The following DNAJC12 variants were observed in gnomAD, a reference collection of about 807,000 sequenced individuals.
The protein encoded by DNAJC12 is dnaJ homolog subfamily C member 12.
In DNAJC12, 25 loss-of-function variants were observed where a neutral mutation model predicts 28.5. The ratio of observed to expected loss-of-function variants is 0.88; its 90% confidence interval spans 0.64 to 1.22. The LOEUF is 1.22. Ranked by LOEUF, DNAJC12 falls within the 50% of genes most tolerant of loss-of-function variation. The pLI is 0.00. For missense variants in DNAJC12, 222 were observed against 231.7 expected, an observed-to-expected ratio of 0.96 and a Z score of 0.27; for synonymous variants, 77 against 80.6, an observed-to-expected ratio of 0.95 and a Z score of 0.24.
At chr10:67,802,078 G>T (rs1841752816) in intron 4 of DNAJC12, among the ~76,000 whole-genome samples, 1 of 151,626 alleles carries the variant, frequency 6.6e-6, no homozygotes, top group Non-Finnish European at 1.5e-5. Flanking sequence ...TGCTCAAGCT[G>T]GTCTCGAACT....
intron 2 of DNAJC12, among the ~76,000 whole-genome samples, chr10:67,819,211 T>C (rs1841946313): frequency 6.6e-6 from 1 of 151,988 alleles, no homozygotes. Context: ...CAGGCGCCTG[T>C]AGTCCCAGCT....
rs1322579305 is a variant in DNAJC12 at position 67,796,955 on chromosome 10, A to C, written c.*161T>G. 2.0e-6 allele frequency: 1 copy of C among 504,588 alleles called. No individual in the cohort carries two copies. The highest frequency in any genetic ancestry group is 2.0e-5 in the African/African-American group (1 of 51,156). 31.3% of individuals were successfully genotyped at this position (504,588 alleles called of 1,614,324 possible). ...CATCTTCTGAATTTTTCTTATTTAA[A>C]AAGCATTATGAGAACTGATTCAAGG... On this transcript the variant is annotated 3_prime_UTR_variant, in exon 5 of 5. Transcript: ENST00000225171.
intron 3 of DNAJC12, among the ~76,000 whole-genome samples, chr10:67,807,120 G>T (rs1020788247): frequency 6.6e-6 from 1 of 151,320 alleles, no homozygotes; most frequent in Admixed American, 6.6e-5. Flanking sequence ...AATTAGTTGG[G>T]CAAGGTAGTG....
chr10:67,837,964 G>A lies in DNAJC12; in HGVS notation c.48C>T (p.Tyr16=), dbSNP rs987509309. Residue 16 remains tyrosine, a synonymous_variant, in exon 1 of 5, where the codon TAC becomes TAT. Transcript: ENST00000225171. ...ATAGTTCATCACATCCCAGTAATGT[G>A]TAGTAATCTTCAGTATCTTCTGACC... The part of the protein sequence containing the change: ...NYRSEDTEDY[Y]TLLGCDELSS... 1.2e-6 allele frequency: 2 copies of A among 1,609,072 alleles called. No individual in the cohort carries two copies. Among genetic ancestry groups the A allele is most frequent in the African/African-American group, 1.3e-5 (1 of 74,646 alleles).
At position 67,811,458 on chromosome 10, in the gene DNAJC12, A is replaced by G. The variant is rs765043759; in HGVS notation, c.297+66T>C. On this transcript the variant is annotated intron_variant, in intron 3 of 4. Coordinates refer to ENST00000225171, the MANE Select transcript of DNAJC12 (RefSeq NM_021800.3). Reference sequence around the variant, plus strand: ...TCGCCTAATGACTCTTTAAGCTACTACATGAGTCTAATCCATGGGCATCCT... The same window carrying G: ...TCGCCTAATGACTCTTTAAGCTACTGCATGAGTCTAATCCATGGGCATCCT... 23 of 1,604,374 alleles carry G rather than the reference A, an allele frequency of 1.4e-5. No individual in the cohort carries two copies. In the South Asian group the frequency reaches 2.3e-4, roughly 16 times the overall value.
chr10:67,802,017 A>T (rs1841751804), intron 4 of DNAJC12, among the ~76,000 whole-genome samples: 1 of 151,690 alleles, frequency 6.6e-6, no homozygotes, highest in Non-Finnish European at 1.5e-5. Flanking sequence ...GCACGCCAGC[A>T]TACCTAGCTA....
chr10:67,797,037 T>G lies in DNAJC12; in HGVS notation c.*79A>C, dbSNP rs1841679872. ...CAGACATGACATAAACATGACATTT[T>G]TAAGACATAAACAAAGACTGCATGT... On this transcript the variant is annotated 3_prime_UTR_variant, in exon 5 of 5. Coordinates refer to ENST00000225171, the MANE Select transcript of DNAJC12 (RefSeq NM_021800.3). The G allele has an allele frequency of 9.1e-7, 1 of 1,103,116 alleles. No homozygotes were observed. Among genetic ancestry groups the G allele is most frequent in the Non-Finnish European group, 1.3e-6 (1 of 761,364 alleles). 68.3% of individuals were successfully genotyped at this position (1,103,116 alleles called of 1,614,324 possible).
intron 2 of DNAJC12, among the ~76,000 whole-genome samples, chr10:67,816,572 G>GTC (rs1841918899): frequency 1.5e-5 from 2 of 137,692 alleles, no homozygotes; most frequent in South Asian, 4.4e-4. Flanking sequence ...TTGAGGCAGA[G>GTC]TCTCTCTCTA....
chr10:67,817,405 A>G (rs1589608004), intron 2 of DNAJC12, among the ~76,000 whole-genome samples: 1 of 152,220 alleles, frequency 6.6e-6, no homozygotes, highest in East Asian at 1.9e-4. Context: ...AGTAATTTCA[A>G]TGGCAACAGT....
At chr10:67,801,304 C>T (rs1275844572) in intron 4 of DNAJC12, among the ~76,000 whole-genome samples, 2 of 152,144 alleles carry the variant, frequency 1.3e-5, no homozygotes, top group Admixed American at 6.5e-5. Context: ...TTCTTAAATG[C>T]TGACATTATA....
intron 2 of DNAJC12, among the ~76,000 whole-genome samples, chr10:67,819,637 A>T (rs1336576447): frequency 6.9e-6 from 1 of 145,604 alleles, no homozygotes; most frequent in African/African-American, 2.6e-5. Context: ...AGACTGTCAC[A>T]AAAAAAGAAA....
intron 2 of DNAJC12, chr10:67,816,256 G>T: frequency 2.6e-6 from 1 of 391,538 alleles, no homozygotes. Flanking sequence ...GTCAAAATAT[G>T]CTTTGAAAAA....
chr10:67,799,592 A>G (rs1841716767), intron 4 of DNAJC12, among the ~76,000 whole-genome samples: 1 of 152,228 alleles, frequency 6.6e-6, no homozygotes, highest in Non-Finnish European at 1.5e-5. Flanking sequence ...GTTTAAAAAG[A>G]TGTAGTTTCT....
At chr10:67,800,446 C>T (rs1307991707) in intron 4 of DNAJC12, among the ~76,000 whole-genome samples, 1 of 152,122 alleles carries the variant, frequency 6.6e-6, no homozygotes, top group Non-Finnish European at 1.5e-5. Context: ...GAGAATTTAG[C>T]TTCCCACTTC....
At position 67,805,671 on chromosome 10, in the gene DNAJC12, C is replaced by CTCTT; in HGVS notation, c.410_413dup (p.Glu139ArgfsTer60). The CTCTT allele has an allele frequency of 5.6e-6, 9 of 1,613,634 alleles. No individual in the cohort carries two copies. Among genetic ancestry groups the CTCTT allele is most frequent in the African/African-American group, 1.3e-5 (1 of 74,996 alleles). The stretch of plus-strand genomic sequence containing the variant: ...TTTTCTCTGCGGTTGAAGCCAGCTC[C>CTCTT]TCTTTCTTTCTTTCTCTTTGCTCAT... On this transcript the variant is annotated frameshift_variant, in exon 4 of 5. Transcript: ENST00000225171. LOFTEE classifies it high-confidence loss of function.
At chr10:67,804,172 A>G (rs1841775897) in intron 4 of DNAJC12, among the ~76,000 whole-genome samples, 1 of 152,232 alleles carries the variant, frequency 6.6e-6, no homozygotes, top group East Asian at 1.9e-4. Context: ...ATGTGTGTAT[A>G]CAATGTGTGT....
intron 4 of DNAJC12, among the ~76,000 whole-genome samples, chr10:67,799,873 A>G (rs920376853): frequency 5.6e-5 from 3 of 53,848 alleles, no homozygotes; most frequent in African/African-American, 1.1e-4. Flanking sequence ...ACAGAGCGAG[A>G]CTGTCAAAAA....
At chr10:67,818,069 G>A (rs569449831) in intron 2 of DNAJC12, among the ~76,000 whole-genome samples, 13 of 152,154 alleles carry the variant, frequency 8.5e-5, no homozygotes, top group Admixed American at 7.9e-4. Flanking sequence ...CTCAGGTGTG[G>A]TGGCGCACAT....
At chr10:67,798,873 C>A (rs1253778463) in intron 4 of DNAJC12, among the ~76,000 whole-genome samples, 1 of 150,390 alleles carries the variant, frequency 6.6e-6, no homozygotes, top group Non-Finnish European at 1.5e-5. Context: ...TCAAGCGATT[C>A]TCCTGCCTCA....
Sources: allele counts gnomAD v4.1 joint callset (sites outside exome capture counted in the v4.1 genomes callset), GRCh38; gene constraint gnomAD v4.1.1; transcripts MANE v1.5; gene names NCBI Gene and HGNC (gene_info 2026-07-23, HGNC 2026-07-21).